The following CEMIP variants were observed in gnomAD, a reference collection of about 807,000 sequenced individuals.
The protein encoded by CEMIP is cell migration-inducing and hyaluronan-binding protein.
Under a neutral mutation model 156.9 loss-of-function variants are expected in CEMIP, and 105 were observed. The ratio of observed to expected loss-of-function variants is 0.67; its 90% confidence interval spans 0.57 to 0.79. The LOEUF (loss-of-function observed/expected upper bound fraction) is 0.79, where lower values mean the gene tolerates loss of function less well. Among genes scored for constraint, CEMIP ranks in the 30% least tolerant of loss-of-function variants. CEMIP has a pLI of 0.00. For missense variants in CEMIP, 1,457 were observed against 1,769.4 expected (o/e 0.82, Z 3.17); for synonymous variants, 676 against 668.4 (o/e 1.01, Z -0.17).
At chr15:80,792,324 CA>C (rs1896101808) in intron 1 of CEMIP, among the ~76,000 whole-genome samples, 1 of 152,184 alleles carries the variant, frequency 6.6e-6, no homozygotes, top group Non-Finnish European at 1.5e-5. Context: ...CACCAGTTTG[CA>C]TGCTGTCTAC....
intron 12 of CEMIP, among the ~76,000 whole-genome samples, chr15:80,905,504 G>T (rs898061213): frequency 1.4e-4 from 22 of 152,284 alleles, no homozygotes; most frequent in African/African-American, 5.3e-4. Flanking sequence ...TGCATTTTCT[G>T]CACAGAGTGG....
intron 18 of CEMIP, 40 bp downstream of exon 18, chr15:80,924,746 G>C (rs768292022): frequency 8.4e-6 from 13 of 1,542,012 alleles, no homozygotes; most frequent in Non-Finnish European, 1.1e-5. Context: ...CGGTGACCTT[G>C]CAGTCCAGCT....
intron 1 of CEMIP, among the ~76,000 whole-genome samples, chr15:80,867,578 G>A (rs1898163380): frequency 6.6e-6 from 1 of 152,204 alleles, no homozygotes; most frequent in African/African-American, 2.4e-5. Flanking sequence ...CCCTGTCCCT[G>A]GGGTCCCCGC....
Position 80,936,898 on chromosome 15 carries a change from C to A in CEMIP, c.3221+13C>A. ...TCAACTTCAACAAGTGAGTGGGTGT[C>A]CAGCCAGGAGCAGTGAGCTCAAAGC... On this transcript the variant is annotated intron_variant, in intron 24 of 29. Coordinates refer to ENST00000394685, the MANE Select transcript of CEMIP (RefSeq NM_001293298.2). 1 of 1,612,458 alleles carries A rather than the reference C, an allele frequency of 6.2e-7. No individual in the cohort carries two copies. The highest frequency in any genetic ancestry group is 1.3e-5 in the African/African-American group (1 of 75,028).
chr15:80,865,459 C>A (rs1260747750), intron 1 of CEMIP, among the ~76,000 whole-genome samples: 1 of 152,092 alleles, frequency 6.6e-6, no homozygotes. Flanking sequence ...GGATTATAGG[C>A]GTGAGCCACC....
At chr15:80,894,696 T>C (rs1168972624) in intron 10 of CEMIP, among the ~76,000 whole-genome samples, 1 of 152,204 alleles carries the variant, frequency 6.6e-6, no homozygotes, top group African/African-American at 2.4e-5. Context: ...TGGCTACTTA[T>C]TGTAAATGCT....
chr15:80,811,194 C>A (rs1430142455), intron 1 of CEMIP, among the ~76,000 whole-genome samples: 1 of 152,134 alleles, frequency 6.6e-6, no homozygotes, highest in Non-Finnish European at 1.5e-5. Flanking sequence ...GGTTTAGGAG[C>A]CCAAAGTCGG....
intron 1 of CEMIP, among the ~76,000 whole-genome samples, chr15:80,794,874 G>C (rs1896176971): frequency 6.6e-6 from 1 of 152,210 alleles, no homozygotes; most frequent in Non-Finnish European, 1.5e-5. Context: ...AGAAAAAATA[G>C]GGGATCTGCT....
intron 14 of CEMIP, among the ~76,000 whole-genome samples, chr15:80,916,792 G>C (rs1900288239): frequency 7.1e-6 from 1 of 140,286 alleles, no homozygotes; most frequent in East Asian, 2.1e-4. Context: ...AGTAACTTGT[G>C]TCTTCTACCC....
chr15:80,810,556 A>G (rs1024425716), intron 1 of CEMIP, among the ~76,000 whole-genome samples: 3 of 152,066 alleles, frequency 2.0e-5, no homozygotes, highest in African/African-American at 7.2e-5. Context: ...TTTAGTAGAG[A>G]TGGGCTTTCA....
rs1274002004 is a variant in CEMIP, at chr15:80,941,982, G to A, written c.3541G>A (p.Ala1181Thr). Residue 1181 changes from alanine to threonine, a missense_variant, in exon 26 of 30, where the codon GCT becomes ACT. Ala to Thr is a moderately conservative substitution (Grantham distance 58, BLOSUM62 0). Transcript: ENST00000394685. ...AGGCGTCAGTGACTGCACAGCCACA[G>A]CTTACCCCAAGTTCACCGAGAGGGC... is the stretch of plus-strand genomic sequence containing the variant. Reference protein sequence around the residue: ...NAGVSDCTATAYPKFTERAVV... With the variant: ...NAGVSDCTATTYPKFTERAVV... 1 of 1,614,038 alleles carries A rather than the reference G, an allele frequency of 6.2e-7. No individual in the cohort carries two copies. The highest frequency in any genetic ancestry group is 2.2e-5 in the East Asian group (1 of 44,872).
intron 1 of CEMIP, among the ~76,000 whole-genome samples, chr15:80,833,180 C>T (rs772586391): frequency 8.5e-5 from 13 of 152,170 alleles, no homozygotes; most frequent in African/African-American, 2.4e-4. Context: ...AATGCAGACA[C>T]GTTTTAAAAC....
At chr15:80,940,336 A>C (rs1007192197) in intron 25 of CEMIP, among the ~76,000 whole-genome samples, 1 of 152,202 alleles carries the variant, frequency 6.6e-6, no homozygotes, top group Non-Finnish European at 1.5e-5. Flanking sequence ...AGATAATCTG[A>C]TATATAATGG....
At chr15:80,919,449 ATCT>A (rs1900391539) in intron 14 of CEMIP, among the ~76,000 whole-genome samples, 1 of 152,094 alleles carries the variant, frequency 6.6e-6, no homozygotes, top group Non-Finnish European at 1.5e-5. Context: ...CACGTATGAT[ATCT>A]TGCCCCCTTT....
chr15:80,895,054 G>A lies in CEMIP; in HGVS notation c.1151G>A (p.Arg384Lys), dbSNP rs1234018865. 1 of 1,614,230 alleles carries A rather than the reference G, an allele frequency of 6.2e-7. No individual in the cohort carries two copies. The highest frequency in any genetic ancestry group is 1.6e-4 in the Middle Eastern group (1 of 6,062). The change falls in exon 11 of 30, where the codon AGG (arginine) becomes AAG (lysine). Residue 384 changes from arginine (R) to lysine (K), a missense_variant. Around this residue, in one of 5 missense-constraint regions of CEMIP, gnomAD observed 280 missense variants for 300.3 expected, o/e 0.93. Coordinates refer to ENST00000394685, the MANE Select transcript of CEMIP (RefSeq NM_001293298.2). ...GTCTACAAAAAAGGCCAGGATTATA[G>A]GTTTGCTTGCTACGACCGGGGCAGA... The part of the protein sequence containing the change: ...EVVYKKGQDY[R>K]FACYDRGRAC...
Position 80,889,534 on chromosome 15 carries a change from T to A in CEMIP, c.1028T>A (p.Ile343Asn). The A allele has an allele frequency of 1.2e-6, 2 of 1,614,098 alleles. No individual in the cohort carries two copies. The highest frequency in any genetic ancestry group is 1.7e-6 in the Non-Finnish European group (2 of 1,180,010). Residue 343 changes from isoleucine (I) to asparagine (N), a missense_variant, in exon 10 of 30, where the codon ATT (isoleucine) becomes AAT (asparagine). By Grantham distance (149) the Ile-to-Asn change is moderately radical. Transcript: ENST00000394685. ...TCTCAGACTAAAGGTGGGGAGAAAA[T>A]TTCAGACCTCTGGAAAGCTCACCCA... ...KVSQTKGGEK[I>N]SDLWKAHPGK...
In CEMIP at chr15:80,850,465, G is replaced by A. The variant is rs569473511; in HGVS notation, c.-175-23073G>A. On this transcript the variant is annotated intron_variant, in intron 1 of 29. Transcript: ENST00000394685. Reference sequence around the variant, plus strand: ...CTAATTTTTTTGTATTTTTAGTAGCGATAGGGTTTCACCATGTTGGCCAGG... The same window carrying A: ...CTAATTTTTTTGTATTTTTAGTAGCAATAGGGTTTCACCATGTTGGCCAGG... Among the ~76,000 whole-genome samples the A allele has an allele frequency of 6.6e-5, 10 of 152,220 alleles. No individual in the cohort carries two copies. In the South Asian group the frequency reaches 1.9e-3, roughly 28 times the overall value.
In CEMIP at chr15:80,900,658, G is replaced by GTGTC. The variant is rs879591100; in HGVS notation, c.1411+4602_1411+4605dup. Among the ~76,000 whole-genome samples, 797 of 139,498 alleles carry GTGTC rather than the reference G, an allele frequency of 5.7e-3. 1 individual carries two copies. The highest frequency in any genetic ancestry group is 9.6e-3 in the Non-Finnish European group (609 of 63,236). 91.5% of individuals were successfully genotyped at this position (139,498 alleles called of 152,430 possible). On this transcript the variant is annotated intron_variant, in intron 12 of 29. Coordinates refer to ENST00000394685, the MANE Select transcript of CEMIP (RefSeq NM_001293298.2). ...TGTGTGTGTGTGTGTGTCTGTGTGT[G>GTGTC]TGTCTGTGTGTGTGTGTGTATTTTG...
Position 80,906,529 on chromosome 15 carries a change from T to A in CEMIP, c.1412-134T>A. ...TTCACCTCCCTGACCTTCATCCTTC[T>A]GTAACATGAGACCACTGTGCACACC... On this transcript the variant is annotated intron_variant, in intron 12 of 29. Coordinates refer to ENST00000394685, the MANE Select transcript of CEMIP (RefSeq NM_001293298.2). The surrounding 1 kb of genome is among the most constrained non-coding windows in gnomAD (Gnocchi z 4.3). 1 of 836,306 alleles carries A rather than the reference T, an allele frequency of 1.2e-6. No homozygotes were observed. The highest frequency in any genetic ancestry group is 2.6e-5 in the East Asian group (1 of 39,142). 51.8% of individuals were successfully genotyped at this position (836,306 alleles called of 1,614,324 possible). A position where few individuals can be genotyped will look rare whatever the true frequency, so the allele number is the denominator to read the frequency against.
Sources: gnomAD v4.1 joint callset for allele counts (sites outside exome capture counted in the v4.1 genomes callset) on GRCh38, gnomAD v4.1.1 for gene constraint, gnomAD v4.1.1 regional missense constraint, Gnocchi (gnomAD v3.1) non-coding constraint, MANE v1.5 for transcripts, NCBI Gene and HGNC (gene_info 2026-07-23, HGNC 2026-07-21) for gene names.